Variants in EPB41L4A observed in about 807,000 individuals in gnomAD.
The protein encoded by EPB41L4A is erythrocyte membrane protein band 4.1 like 4A.
EPB41L4A carries 100 observed loss-of-function variants against 108.6 expected under a neutral mutation model. The ratio of observed to expected loss-of-function variants is 0.92; its 90% CI spans 0.78 to 1.09. EPB41L4A has a LOEUF of 1.09. Ranked by LOEUF, EPB41L4A falls within the 50% of genes least tolerant of loss-of-function variation. The pLI, the probability that EPB41L4A is intolerant of heterozygous loss-of-function variation, is 0.00. For missense variants in EPB41L4A, 1,030 were observed against 842.7 expected (o/e 1.22, Z -2.75); for synonymous variants, 319 against 289.0 (o/e 1.10, Z -1.05).
At chr5:112,189,573 C>A (rs924553985) in intron 17 of EPB41L4A, among the ~76,000 whole-genome samples, 1 of 152,120 alleles carries the variant, frequency 6.6e-6, no homozygotes, top group East Asian at 1.9e-4. Flanking sequence ...TTCAAATAGT[C>A]CCCTGTTGTC....
rs2150183718 is a variant in EPB41L4A, at chr5:112,163,539, A to G, written c.*1451T>C. On this transcript the variant is annotated 3_prime_UTR_variant, in exon 23 of 23. Transcript: ENST00000261486. ...AAGGATGGTCAGTGGTAGGAGCAAA[A>G]TAGGATTATATTAAAGAAGCAAAAG... 6.6e-6 allele frequency: 1 copy of G among 152,336 alleles called. No homozygotes were observed. Among genetic ancestry groups the G allele is most frequent in the Admixed American group, 6.5e-5 (1 of 15,302 alleles). The allele number at this position is 152,336 out of a possible 1,614,324, so 9.4% of individuals were successfully genotyped here.
At chr5:112,371,095 A>C (rs1296895931) in intron 1 of EPB41L4A, among the ~76,000 whole-genome samples, 2 of 152,144 alleles carry the variant, frequency 1.3e-5, no homozygotes, top group East Asian at 3.9e-4. Flanking sequence ...ATATTATATA[A>C]TTTCTGTAAT....
At chr5:112,184,552 C>T (rs1224642046) in intron 17 of EPB41L4A, among the ~76,000 whole-genome samples, 2 of 152,182 alleles carry the variant, frequency 1.3e-5, no homozygotes, top group Non-Finnish European at 2.9e-5. Flanking sequence ...CTTAAAAAGT[C>T]AAGCTAATTG....
chr5:112,336,957 C>T (rs896696553), intron 1 of EPB41L4A, among the ~76,000 whole-genome samples: 16 of 152,126 alleles, frequency 1.1e-4, no homozygotes, highest in Non-Finnish European at 2.2e-4. Context: ...CATAAGACAA[C>T]AAATACAACC....
chr5:112,397,637 C>T (rs1326632006), intron 1 of EPB41L4A, among the ~76,000 whole-genome samples: 2 of 152,100 alleles, frequency 1.3e-5, no homozygotes, highest in African/African-American at 2.4e-5. Context: ...ATAAATAAAA[C>T]TTTACATTTT....
In EPB41L4A at chr5:112,166,159, A is replaced by T. The variant is rs1407528075; in HGVS notation, c.1933-1041T>A. On this transcript the variant is annotated intron_variant, in intron 22 of 22. Coordinates refer to ENST00000261486, the MANE Select transcript of EPB41L4A (RefSeq NM_022140.5). ...AGAAATTAAGTTGCTATTCTTCCCC[A>T]TTCTTAGCAGCCTTTGCGTGAAAAG... 3.3e-5 allele frequency among the ~76,000 whole-genome samples: 5 copies of T among 152,360 alleles called. No individual in the cohort carries two copies. In the East Asian group the frequency reaches 9.6e-4, roughly 29 times the overall value.
At chr5:112,325,633 A>G (rs1346169623) in intron 1 of EPB41L4A, among the ~76,000 whole-genome samples, 2 of 152,172 alleles carry the variant, frequency 1.3e-5, no homozygotes, top group Non-Finnish European at 2.9e-5. Flanking sequence ...AAATGTCTTA[A>G]GAAAAGGTAA....
At chr5:112,419,664 A>T (rs764321568), upstream of EPB41L4A, 1 of 456,462 alleles carries the variant, frequency 2.2e-6, no homozygotes, top group African/African-American at 2.0e-5. Context: ...GCGCAGGGGC[A>T]GAGGCGAAGG....
intron 1 of EPB41L4A, among the ~76,000 whole-genome samples, chr5:112,343,883 C>T (rs1357731717): frequency 3.3e-5 from 5 of 152,146 alleles, no homozygotes; most frequent in African/African-American, 9.7e-5. Flanking sequence ...TATGAAACAA[C>T]ATGGAATGTT....
intron 9 of EPB41L4A, among the ~76,000 whole-genome samples, chr5:112,243,345 C>G (rs1319816510): frequency 2.7e-5 from 4 of 148,746 alleles, no homozygotes; most frequent in Non-Finnish European, 4.4e-5. Context: ...GTGCTGTCAT[C>G]CAGGCTTTGT....
chr5:112,385,507 C>CAA (rs201988960), intron 1 of EPB41L4A, among the ~76,000 whole-genome samples: 89 of 75,504 alleles, frequency 1.2e-3, no homozygotes, highest in South Asian at 1.4e-3. Context: ...TGGTTATTTT[C>CAA]AAAAAAAAAA....
chr5:112,310,937 T>C (rs1246544082), intron 1 of EPB41L4A, among the ~76,000 whole-genome samples: 3 of 152,122 alleles, frequency 2.0e-5, no homozygotes, highest in African/African-American at 2.4e-5. Context: ...GAGTATCCAA[T>C]AGCAAAGGCA....
chr5:112,177,770 A>T (rs1440727435), intron 18 of EPB41L4A, among the ~76,000 whole-genome samples: 1 of 152,202 alleles, frequency 6.6e-6, no homozygotes, highest in African/African-American at 2.4e-5. Flanking sequence ...AACCATACTG[A>T]TAAGAATCAT....
intron 12 of EPB41L4A, among the ~76,000 whole-genome samples, chr5:112,223,879 A>ATTTTTTTTTTTTTTTTTTTTTTT (rs1554080489): frequency 6.6e-6 from 1 of 151,732 alleles, no homozygotes; most frequent in Non-Finnish European, 1.5e-5. Context: ...CTAAAAGAAT[A>ATTTTTTTTTTTTTTTTTTTTTTT]ATTTTTAAAC....
At chr5:112,416,560 A>G (rs1424252018) in intron 1 of EPB41L4A, among the ~76,000 whole-genome samples, 1 of 152,158 alleles carries the variant, frequency 6.6e-6, no homozygotes, top group African/African-American at 2.4e-5. Context: ...TGCCTGCTTA[A>G]TTTTGACTTT....
At chr5:112,261,578 A>G (rs11740678) in intron 7 of EPB41L4A, among the ~76,000 whole-genome samples, 52,323 of 152,120 alleles carry the variant, frequency 0.34, 9,178 homozygotes, top group Non-Finnish European at 0.37. Context: ...GCCTAAGAGA[A>G]GTAGCTCAAA....
chr5:112,167,808 C>G (rs1485688110), intron 22 of EPB41L4A, among the ~76,000 whole-genome samples: 1 of 152,142 alleles, frequency 6.6e-6, no homozygotes, highest in Admixed American at 6.5e-5. Flanking sequence ...GGAACCTAAC[C>G]TAAATTAGCA....
chr5:112,185,265 C>T (rs184775577), intron 17 of EPB41L4A, among the ~76,000 whole-genome samples: 8 of 152,258 alleles, frequency 5.3e-5, no homozygotes, highest in African/African-American at 1.4e-4. Context: ...ATAACTGCTT[C>T]GAGACAAAAG....
intron 1 of EPB41L4A, among the ~76,000 whole-genome samples, chr5:112,324,865 C>A (rs1198275517): frequency 2.7e-5 from 4 of 150,506 alleles, no homozygotes; most frequent in African/African-American, 9.8e-5. Flanking sequence ...AAATTAAAAA[C>A]AAATGAAAAG....
Sources: gnomAD v4.1 joint callset for allele counts (sites outside exome capture counted in the v4.1 genomes callset) on GRCh38, gnomAD v4.1.1 for gene constraint, MANE v1.5 for transcripts, NCBI Gene and HGNC (gene_info 2026-07-23, HGNC 2026-07-21) for gene names.